ACAP2: variants seen among roughly 807,000 people sequenced by gnomAD.
The protein encoded by ACAP2 is arf-GAP with coiled-coil, ANK repeat and PH domain-containing protein 2.
A neutral mutation model predicts 115.8 loss-of-function variants in ACAP2; 39 were observed. The ratio of observed to expected loss-of-function variants is 0.34; its 90% confidence interval spans 0.26 to 0.44. The LOEUF (loss-of-function observed/expected upper bound fraction) is 0.44. ACAP2 is among the 20% of genes least tolerant of loss of function. The pLI is 1.00. For missense variants in ACAP2, 662 were observed against 927.6 expected, an observed-to-expected ratio of 0.71 and a Z score of 3.72; for synonymous variants, 289 against 315.8, an observed-to-expected ratio of 0.92 and a Z score of 0.90.
At chr3:195,392,234 A>G (rs1734729525) in intron 1 of ACAP2, 87 bp from the exon 2 acceptor site, 4 of 1,050,936 alleles carry the variant, frequency 3.8e-6, no homozygotes, top group Non-Finnish European at 5.6e-6. Context: ...GAAAAGATAG[A>G]TATGAATGCT....
intron 4 of ACAP2, among the ~76,000 whole-genome samples, chr3:195,365,389 C>T (rs900828951): frequency 1.3e-5 from 2 of 152,088 alleles, no homozygotes; most frequent in Non-Finnish European, 2.9e-5. Context: ...TAAATACACA[C>T]CTACTATGCA....
chr3:195,381,711 T>C (rs1733950543), intron 3 of ACAP2, among the ~76,000 whole-genome samples, 192 bp downstream of exon 3: 1 of 152,020 alleles, frequency 6.6e-6, no homozygotes, highest in South Asian at 2.1e-4. Flanking sequence ...TGCTAGATAA[T>C]GCGCAATGCA....
At chr3:195,373,537 T>G (rs1160000946) in intron 4 of ACAP2, among the ~76,000 whole-genome samples, 1 of 152,182 alleles carries the variant, frequency 6.6e-6, no homozygotes, top group East Asian at 1.9e-4. Flanking sequence ...AACTTGCAGA[T>G]TTGTTTAACA....
chr3:195,327,759 G>A (rs1025919727), intron 8 of ACAP2, among the ~76,000 whole-genome samples: 5 of 151,962 alleles, frequency 3.3e-5, no homozygotes, highest in African/African-American at 1.2e-4. Flanking sequence ...GAGAAACCCC[G>A]TCTCTCCTAA....
At chr3:195,394,414 C>T (rs1458082208) in intron 1 of ACAP2, among the ~76,000 whole-genome samples, 1 of 152,184 alleles carries the variant, frequency 6.6e-6, no homozygotes, top group Non-Finnish European at 1.5e-5. Context: ...GAGATTTAAT[C>T]GTTGGTTTCT....
intron 8 of ACAP2, among the ~76,000 whole-genome samples, chr3:195,331,548 T>A (rs1275846454): frequency 6.6e-6 from 1 of 151,640 alleles, no homozygotes; most frequent in Non-Finnish European, 1.5e-5. Context: ...CCTGGCCTCA[T>A]GTAATCTGCA....
chr3:195,288,745 C>T (rs952627269), intron 21 of ACAP2, among the ~76,000 whole-genome samples: 3 of 151,936 alleles, frequency 2.0e-5, no homozygotes, highest in Admixed American at 1.3e-4. Context: ...GTAATCCCAG[C>T]GACTAGGGAG....
At chr3:195,402,872 C>T (rs759825056) in intron 1 of ACAP2, among the ~76,000 whole-genome samples, 4 of 152,058 alleles carry the variant, frequency 2.6e-5, no homozygotes, top group South Asian at 2.1e-4. Context: ...TAACAACAAA[C>T]GGCAGCAAAT....
intron 4 of ACAP2, among the ~76,000 whole-genome samples, chr3:195,356,401 C>A (rs1356423048): frequency 1.3e-5 from 2 of 152,148 alleles, no homozygotes; most frequent in Non-Finnish European, 2.9e-5. Flanking sequence ...AAAAGGCAGG[C>A]TAGGTCACAA....
intron 4 of ACAP2, among the ~76,000 whole-genome samples, chr3:195,370,011 G>A (rs561813353): frequency 9.9e-5 from 15 of 152,174 alleles, no homozygotes; most frequent in Non-Finnish European, 1.8e-4. Context: ...AATTATTAGT[G>A]ATACTCAACA....
chr3:195,425,563 G>A (rs1278904889), intron 1 of ACAP2, among the ~76,000 whole-genome samples: 1 of 152,122 alleles, frequency 6.6e-6, no homozygotes, highest in Non-Finnish European at 1.5e-5. Context: ...TATAGGATGG[G>A]ATCACATCAG....
chr3:195,423,377 C>T (rs539567660), intron 1 of ACAP2, among the ~76,000 whole-genome samples: 114 of 152,242 alleles, frequency 7.5e-4, no homozygotes, highest in Non-Finnish European at 1.4e-3. Flanking sequence ...AATCCCAGCA[C>T]TTTGGGAGGC....
At chr3:195,369,396 T>G (rs1732968655) in intron 4 of ACAP2, among the ~76,000 whole-genome samples, 1 of 152,158 alleles carries the variant, frequency 6.6e-6, no homozygotes, top group African/African-American at 2.4e-5. Context: ...GATAAGTTAT[T>G]TTTTTCCGAT....
intron 1 of ACAP2, among the ~76,000 whole-genome samples, chr3:195,434,553 T>C (rs75267385): frequency 0.022 from 3,347 of 152,334 alleles, 116 homozygotes; most frequent in East Asian, 0.1. Context: ...AGGGTTTTTT[T>C]GTGATACATC....
intron 20 of ACAP2, among the ~76,000 whole-genome samples, chr3:195,290,848 A>ATAATTAAT (rs1553843249): frequency 2.3e-5 from 1 of 43,576 alleles, no homozygotes; most frequent in Non-Finnish European, 5.6e-5. Context: ...AAATAAATAA[A>ATAATTAAT]TAATAAATAA....
chr3:195,352,727 G>A (rs555974523), intron 4 of ACAP2, among the ~76,000 whole-genome samples: 1 of 152,268 alleles, frequency 6.6e-6, no homozygotes, highest in East Asian at 1.9e-4. Context: ...GCTAGATGGA[G>A]TGACTTACTT....
chr3:195,289,266 G>C, intron 20 of ACAP2, 35 bp from the exon 21 acceptor site: 1 of 1,458,964 alleles, frequency 6.9e-7, no homozygotes, highest in Non-Finnish European at 9.4e-7. Context: ...AGATATTGTC[G>C]ATAAGAAAAA....
chr3:195,416,962 C>A (rs1057284635), intron 1 of ACAP2, among the ~76,000 whole-genome samples: 13 of 151,708 alleles, frequency 8.6e-5, no homozygotes, highest in African/African-American at 3.2e-4. Context: ...GTCACCCATG[C>A]TGAAATACAG....
At chr3:195,384,347 A>G (rs560513962) in intron 2 of ACAP2, among the ~76,000 whole-genome samples, 1 of 152,366 alleles carries the variant, frequency 6.6e-6, no homozygotes, top group South Asian at 2.1e-4. Context: ...GAGAAAAATC[A>G]AAATGTAGAA....
Sources: allele counts gnomAD v4.1 joint callset (sites outside exome capture counted in the v4.1 genomes callset), GRCh38; gene constraint gnomAD v4.1.1; transcripts MANE v1.5; gene names NCBI Gene and HGNC (gene_info 2026-07-23, HGNC 2026-07-21).